SLC9A9: variants seen among roughly 807,000 people sequenced by gnomAD.
The protein encoded by SLC9A9 is sodium/hydrogen exchanger 9.
SLC9A9 carries 62 observed loss-of-function variants against 77.8 expected under a neutral mutation model. The ratio of observed to expected loss-of-function variants is 0.80; its 90% CI spans 0.65 to 0.98. The LOEUF is 0.98. SLC9A9 is among the 50% of genes least tolerant of loss of function. SLC9A9 has a pLI of 0.00. For missense variants in SLC9A9, 775 were observed against 774.9 expected (o/e 1.00, Z 0.00); for synonymous variants, 320 against 283.5 (o/e 1.13, Z -1.29).
At chr3:143,366,074 A>G (rs2032891651) in intron 13 of SLC9A9, among the ~76,000 whole-genome samples, 1 of 152,110 alleles carries the variant, frequency 6.6e-6, no homozygotes, top group Admixed American at 6.6e-5. Flanking sequence ...CAAATTCCCA[A>G]TTTTTGTTTG....
chr3:143,678,611 T>G (rs921372623), intron 5 of SLC9A9, among the ~76,000 whole-genome samples: 21 of 152,200 alleles, frequency 1.4e-4, no homozygotes, highest in African/African-American at 5.1e-4. Flanking sequence ...GAAATCTGTG[T>G]CTGGATCATC....
At chr3:143,790,508 T>C (rs890466939) in intron 4 of SLC9A9, among the ~76,000 whole-genome samples, 1 of 152,224 alleles carries the variant, frequency 6.6e-6, no homozygotes, top group Non-Finnish European at 1.5e-5. Context: ...TAATTACTGA[T>C]ACATACTGCC....
chr3:143,280,542 ATTTTTTTTTT>A, intron 14 of SLC9A9, among the ~76,000 whole-genome samples: 1 of 118,172 alleles, frequency 8.5e-6, no homozygotes, highest in Middle Eastern at 4.7e-3. Context: ...CTAGAACTAC[ATTTTTTTTTT>A]TTTTTTTTTT....
At chr3:143,765,037 CTCTTTCTTTT>C (rs2007264434) in intron 4 of SLC9A9, among the ~76,000 whole-genome samples, 1 of 147,764 alleles carries the variant, frequency 6.8e-6, no homozygotes, top group African/African-American at 2.5e-5. Flanking sequence ...TTCTCTCTTT[CTCTTTCTTTT>C]TCTTTCTTTC....
intron 11 of SLC9A9, among the ~76,000 whole-genome samples, chr3:143,476,790 A>G (rs1157232168): frequency 6.6e-6 from 1 of 152,170 alleles, no homozygotes; most frequent in African/African-American, 2.4e-5. Flanking sequence ...GATAGTTCTC[A>G]TTGTCCACAA....
At chr3:143,807,916 T>C (rs1407030540) in intron 2 of SLC9A9, among the ~76,000 whole-genome samples, 1 of 152,084 alleles carries the variant, frequency 6.6e-6, no homozygotes, top group African/African-American at 2.4e-5. Flanking sequence ...AAGGTGCCGG[T>C]AGAGGGCTGG....
At chr3:143,463,507 C>CT (rs919376868) in intron 12 of SLC9A9, among the ~76,000 whole-genome samples, 2 of 152,154 alleles carry the variant, frequency 1.3e-5, no homozygotes, top group African/African-American at 4.8e-5. Flanking sequence ...CACCTTTGGT[C>CT]TTTTTTGTTT....
chr3:143,655,365 T>G, intron 5 of SLC9A9: 4 of 624,968 alleles, frequency 6.4e-6, no homozygotes, highest in Non-Finnish European at 8.0e-6. Context: ...CCCATGTAAA[T>G]GAGAGTTCTT....
chr3:143,686,878 C>G (rs1933289139), intron 5 of SLC9A9, among the ~76,000 whole-genome samples: 1 of 147,510 alleles, frequency 6.8e-6, no homozygotes, highest in South Asian at 2.3e-4. Flanking sequence ...TTTATCTTTC[C>G]TCTCCCATTC....
At chr3:143,822,113 A>G (rs1379475775) in intron 2 of SLC9A9, among the ~76,000 whole-genome samples, 1 of 152,218 alleles carries the variant, frequency 6.6e-6, no homozygotes, top group Non-Finnish European at 1.5e-5. Context: ...TTCTGAATCC[A>G]ACTGAGAATG....
At chr3:143,429,375 C>G (rs940436793) in intron 12 of SLC9A9, among the ~76,000 whole-genome samples, 3 of 152,062 alleles carry the variant, frequency 2.0e-5, no homozygotes, top group African/African-American at 7.2e-5. Flanking sequence ...GAGTAAGAGT[C>G]CAACTTGAGA....
chr3:143,274,403 C>G (rs1448553981), intron 14 of SLC9A9, among the ~76,000 whole-genome samples: 2 of 152,170 alleles, frequency 1.3e-5, no homozygotes, highest in Non-Finnish European at 1.5e-5. Flanking sequence ...CTATTCCCTT[C>G]TATTCTTACT....
chr3:143,749,232 G>A (rs1935277125), intron 4 of SLC9A9, among the ~76,000 whole-genome samples: 2 of 152,058 alleles, frequency 1.3e-5, no homozygotes, highest in South Asian at 4.1e-4. Flanking sequence ...GTGTTGTTAA[G>A]AACAAAAATA....
At chr3:143,688,070 CTTCT>C (rs1279491991) in intron 5 of SLC9A9, among the ~76,000 whole-genome samples, 2 of 151,002 alleles carry the variant, frequency 1.3e-5, no homozygotes, top group East Asian at 3.9e-4. Context: ...CCCTCCCTCC[CTTCT>C]TTATTTCTTT....
chr3:143,576,007 G>A (rs2037352305), intron 7 of SLC9A9, among the ~76,000 whole-genome samples: 1 of 152,178 alleles, frequency 6.6e-6, no homozygotes, highest in South Asian at 2.1e-4. Context: ...CAGATCTGAT[G>A]CAATCTTATG....
chr3:143,272,668 C>T (rs945893233), intron 14 of SLC9A9, among the ~76,000 whole-genome samples: 6 of 152,106 alleles, frequency 3.9e-5, no homozygotes, highest in African/African-American at 1.2e-4. Context: ...TAAGAAAACT[C>T]TTCTATCTAT....
intron 2 of SLC9A9, among the ~76,000 whole-genome samples, chr3:143,829,478 T>G (rs1158271569): frequency 6.6e-6 from 1 of 152,102 alleles, no homozygotes; most frequent in African/African-American, 2.4e-5. Context: ...AAAGCCCTTC[T>G]CAAGTGCCAT....
chr3:143,548,300 G>T (rs1340124099), intron 9 of SLC9A9, among the ~76,000 whole-genome samples: 1 of 152,102 alleles, frequency 6.6e-6, no homozygotes, highest in African/African-American at 2.4e-5. Flanking sequence ...TCTGGGGGTG[G>T]TGGGGGTGGT....
chr3:143,483,693 C>A (rs899400538), intron 11 of SLC9A9, among the ~76,000 whole-genome samples: 1 of 152,162 alleles, frequency 6.6e-6, no homozygotes, highest in African/African-American at 2.4e-5. Context: ...ATTAACTTCA[C>A]AGAGAATCCA....
Sources: gnomAD v4.1 joint callset for allele counts (sites outside exome capture counted in the v4.1 genomes callset) on GRCh38, gnomAD v4.1.1 for gene constraint, MANE v1.5 for transcripts, NCBI Gene and HGNC (gene_info 2026-07-23, HGNC 2026-07-21) for gene names.